UNC5A: variants seen among roughly 807,000 people sequenced by gnomAD.
The protein encoded by UNC5A is unc-5 netrin receptor A, also known as netrin receptor UNC5A.
Under a neutral mutation model 87.4 loss-of-function variants are expected in UNC5A, and 20 were observed. The ratio of observed to expected loss-of-function variants is 0.23; its 90% confidence interval spans 0.16 to 0.33. UNC5A has a LOEUF of 0.33. Among genes scored for constraint, UNC5A ranks in the 10% least tolerant of loss-of-function variants. UNC5A has a pLI of 1.00. For synonymous variants in UNC5A, 438 were observed against 482.3 expected (o/e 0.91, Z 1.20); for missense variants, 844 against 1,133.4 (o/e 0.74, Z 3.67).
chr5:176,873,988 G>T lies in UNC5A; in HGVS notation c.907G>T (p.Val303Leu). ...CVHTASGPED[V>L]ALYVGLIAVA... ...CGCAGCTGCTTCTGGCCCTGAGGAC[G>T]TGGCCCTCTATGTGGGCCTCATCGC... The change falls in exon 7 of 15, where the codon GTG (valine) becomes TTG (leucine). Residue 303 changes from valine to leucine, a missense_variant. Val to Leu is a conservative substitution (Grantham distance 32). This residue lies in a region of UNC5A where 314 missense variants were observed against 466.5 expected (regional missense o/e 0.67). Coordinates refer to ENST00000329542, the MANE Select transcript of UNC5A (RefSeq NM_133369.3). 4 of 1,613,654 alleles carry T rather than the reference G, an allele frequency of 2.5e-6. No individual in the cohort carries two copies. The highest frequency in any genetic ancestry group is 3.4e-6 in the Non-Finnish European group (4 of 1,179,910).
intron 1 of UNC5A, among the ~76,000 whole-genome samples, chr5:176,845,525 T>A (rs777196292): frequency 1.3e-5 from 2 of 152,110 alleles, no homozygotes; most frequent in Non-Finnish European, 1.5e-5. Context: ...GGACGATGAG[T>A]GCCCCACAGA....
At chr5:176,852,931 C>T (rs1173161280) in intron 1 of UNC5A, among the ~76,000 whole-genome samples, 3 of 152,182 alleles carry the variant, frequency 2.0e-5, no homozygotes, top group Non-Finnish European at 4.4e-5. Context: ...GGAAGAGTAA[C>T]CAAGTACACA....
intron 1 of UNC5A, among the ~76,000 whole-genome samples, chr5:176,859,515 GCTGCTAGAATGTCCTTGCTAGAGGGCATA>G (rs1757775376): frequency 1.6e-5 from 2 of 128,052 alleles, no homozygotes; most frequent in East Asian, 2.3e-4. Flanking sequence ...AGAGGGCATA[GCTGCTAGAATGTCCTTGCTAGAGGGCATA>G]GCTGCTAGAA....
rs567649925 is a variant in UNC5A at position 176,844,437 on chromosome 5, C to G, written c.71-18187C>G. Among the ~76,000 whole-genome samples, 1 of 152,078 alleles carries G rather than the reference C, an allele frequency of 6.6e-6. No homozygotes were observed. Among genetic ancestry groups the G allele is most frequent in the African/African-American group, 2.4e-5 (1 of 41,412 alleles). ...GAGGCCAGGGGAAGTTTATGTCCAC[C>G]CACGGTGTCCCAGCTGAGCGAGAAG... On this transcript the variant is annotated intron_variant, in intron 1 of 14. Transcript: ENST00000329542. This position sits in a 1 kb window ranked among gnomAD's most constrained non-coding sequence, Gnocchi z 4.2.
At chr5:176,823,465 G>T (rs1756779132) in intron 1 of UNC5A, among the ~76,000 whole-genome samples, 1 of 152,126 alleles carries the variant, frequency 6.6e-6, no homozygotes, top group Non-Finnish European at 1.5e-5. Flanking sequence ...AGCCAGCCGT[G>T]GCCCAGGAGA....
intron 1 of UNC5A, among the ~76,000 whole-genome samples, chr5:176,829,261 ATGGGTGGC>A (rs1486704949): frequency 1.6e-4 from 9 of 55,238 alleles, no homozygotes; most frequent in East Asian, 1.5e-3. Context: ...GGGTGGATGG[ATGGGTGGC>A]TGGATGGATG....
intron 1 of UNC5A, 78 bp from the exon 2 acceptor site, chr5:176,862,545 TG>T: frequency 7.4e-7 from 1 of 1,352,068 alleles, no homozygotes; most frequent in Non-Finnish European, 1.0e-6. Flanking sequence ...CAACCCACGG[TG>T]GAATCGTTTG....
At chr5:176,846,932 G>C (rs534370124) in intron 1 of UNC5A, among the ~76,000 whole-genome samples, 1 of 152,306 alleles carries the variant, frequency 6.6e-6, no homozygotes, top group East Asian at 1.9e-4. Flanking sequence ...CAGCAGGGGC[G>C]GACGTGCTTG....
chr5:176,818,061 G>A (rs1756638196), intron 1 of UNC5A, among the ~76,000 whole-genome samples: 1 of 152,026 alleles, frequency 6.6e-6, no homozygotes, highest in South Asian at 2.1e-4. Flanking sequence ...GCACCGCCGC[G>A]CGGCCGCCTC....
chr5:176,843,113 A>C (rs571091978), intron 1 of UNC5A, among the ~76,000 whole-genome samples: 1 of 151,782 alleles, frequency 6.6e-6, no homozygotes, highest in East Asian at 1.9e-4. Context: ...GTGAGCCGAG[A>C]TCGCGTCATT....
rs1046988545 is a variant in UNC5A at position 176,880,173 on chromosome 5, C to T, written c.*287C>T. The T allele has an allele frequency of 2.6e-5, 10 of 382,114 alleles. No individual in the cohort carries two copies. The East Asian group carries it at 4.4e-4, about 17-fold the overall frequency. 23.7% of individuals were successfully genotyped at this position (382,114 alleles called of 1,614,324 possible). A position where few individuals can be genotyped will look rare whatever the true frequency, so the allele number is the denominator to read the frequency against. ...CAGCCCATCTGTGTGTGTGTATGTG[C>T]GTGTGATGCTACCTCTCCTCCCGTC... is the stretch of plus-strand genomic sequence containing the variant. On this transcript the variant is annotated 3_prime_UTR_variant, in exon 15 of 15. Coordinates refer to ENST00000329542, the MANE Select transcript of UNC5A (RefSeq NM_133369.3).
intron 1 of UNC5A, among the ~76,000 whole-genome samples, chr5:176,814,155 C>T (rs1009072454): frequency 6.6e-6 from 1 of 152,182 alleles, no homozygotes; most frequent in African/African-American, 2.4e-5. Context: ...ACCACCCATC[C>T]CCCTCGGGCC....
At chr5:176,823,404 G>A (rs542997654) in intron 1 of UNC5A, among the ~76,000 whole-genome samples, 13 of 152,114 alleles carry the variant, frequency 8.5e-5, no homozygotes, top group Non-Finnish European at 1.6e-4. Flanking sequence ...CCAAGGGAGC[G>A]GAACAGCGTT....
At chr5:176,868,318 G>C (rs1376743412) in intron 3 of UNC5A, 45 bp downstream of exon 3, 4 of 1,609,144 alleles carry the variant, frequency 2.5e-6, no homozygotes, top group Non-Finnish European at 3.4e-6. Context: ...CGGCGGGAGG[G>C]TGTCACCAGG....
Position 176,838,517 on chromosome 5 carries a change from G to C in UNC5A, c.71-24107G>C, listed in dbSNP as rs1757196183. Reference sequence around the variant, plus strand: ...ACTTAAACACATTTACTAAGTGGATGTTATTGACTTGCAACTGAAAATCCC... The same window carrying C: ...ACTTAAACACATTTACTAAGTGGATCTTATTGACTTGCAACTGAAAATCCC... On this transcript the variant is annotated intron_variant, in intron 1 of 14. Coordinates refer to ENST00000329542, the MANE Select transcript of UNC5A (RefSeq NM_133369.3). This position sits in a 1 kb window ranked among gnomAD's most constrained non-coding sequence, Gnocchi z 4.2. Among the ~76,000 whole-genome samples, 1 of 152,266 alleles carries C rather than the reference G, an allele frequency of 6.6e-6. No homozygotes were observed. Among genetic ancestry groups the C allele is most frequent in the Non-Finnish European group, 1.5e-5 (1 of 68,052 alleles).
intron 3 of UNC5A, 45 bp downstream of exon 3, chr5:176,868,318 G>GTGTC (rs1561664859): frequency 6.2e-7 from 1 of 1,609,144 alleles, no homozygotes. Context: ...CGGCGGGAGG[G>GTGTC]TGTCACCAGG....
chr5:176,850,317 C>A lies in UNC5A; in HGVS notation c.71-12307C>A, dbSNP rs547309720. Among the ~76,000 whole-genome samples the A allele has an allele frequency of 2.6e-5, 4 of 152,264 alleles. No individual in the cohort carries two copies. In the South Asian group the frequency reaches 8.3e-4, roughly 32 times the overall value. ...ACTGCTGTGTTAGTTGTATGGGAAC[C>A]ATTGCAGGGGTTTGAAGTGTGAGAT... On this transcript the variant is annotated intron_variant, in intron 1 of 14. Coordinates refer to ENST00000329542, the MANE Select transcript of UNC5A (RefSeq NM_133369.3).
chr5:176,872,825 CA>C (rs1313380286), intron 6 of UNC5A, among the ~76,000 whole-genome samples: 3 of 127,242 alleles, frequency 2.4e-5, no homozygotes, highest in African/African-American at 8.9e-5. Context: ...ACACTCGCCC[CA>C]ACACCACAGC....
At chr5:176,855,093 C>T (rs1423778383) in intron 1 of UNC5A, among the ~76,000 whole-genome samples, 1 of 152,256 alleles carries the variant, frequency 6.6e-6, no homozygotes, top group African/African-American at 2.4e-5. Context: ...CTAGCTGTGC[C>T]TCCAGGTCCA....
Sources: gnomAD v4.1 joint callset for allele counts (sites outside exome capture counted in the v4.1 genomes callset) on GRCh38, gnomAD v4.1.1 for gene constraint, gnomAD v4.1.1 regional missense constraint, Gnocchi (gnomAD v3.1) non-coding constraint, MANE v1.5 for transcripts, NCBI Gene and HGNC (gene_info 2026-07-23, HGNC 2026-07-21) for gene names.